Variants in EML5 observed in about 807,000 individuals in gnomAD.
The protein encoded by EML5 is EMAP like 5, also known as echinoderm microtubule-associated protein-like 5.
Under a neutral mutation model 250.0 loss-of-function variants are expected in EML5, and 120 were observed. The ratio of observed to expected loss-of-function variants is 0.48; its 90% CI spans 0.41 to 0.56. The LOEUF (loss-of-function observed/expected upper bound fraction) is 0.56, where lower values mean the gene tolerates loss of function less well. Ranked by LOEUF, EML5 falls within the 20% of genes least tolerant of loss-of-function variation. The pLI is 0.00. For missense variants in EML5, 2,006 were observed against 2,437.6 expected (o/e 0.82, Z 3.73); for synonymous variants, 771 against 806.5 (o/e 0.96, Z 0.75).
In EML5 at chr14:88,616,172, T is replaced by C. The variant is rs1344189980; in HGVS notation, c.5867A>G (p.His1956Arg). ...GTCATCACCTCCAGCACTAACAACA[T>C]GTCGATCACCACTGGTAAATCGAAT... ...TNIRFTSGDRHVVSAGGDDCS... is the reference protein window; with the variant it reads ...TNIRFTSGDRRVVSAGGDDCS... Residue 1956 changes from histidine to arginine, a missense_variant, in exon 43 of 44, where the codon CAT becomes CGT. His to Arg is a conservative substitution (Grantham distance 29). Coordinates refer to ENST00000554922, the MANE Select transcript of EML5 (RefSeq NM_183387.3). The C allele has an allele frequency of 6.2e-7, 1 of 1,613,920 alleles. No individual in the cohort carries two copies. The highest frequency in any genetic ancestry group is 8.5e-7 in the Non-Finnish European group (1 of 1,179,810).
chr14:88,626,790 G>A lies in EML5; in HGVS notation c.4740+48C>T, dbSNP rs1185035734. 3 of 1,584,476 alleles carry A rather than the reference G, an allele frequency of 1.9e-6. No homozygotes were observed. In the East Asian group the frequency reaches 6.8e-5, roughly 36 times the overall value. On this transcript the variant is annotated intron_variant, in intron 35 of 43. Coordinates refer to ENST00000554922, the MANE Select transcript of EML5 (RefSeq NM_183387.3). ...ATGTGGCTGATGATCTAAGGCAAGAGAATGTAAAGTAGTCAAAGTCACACT... is the reference window on the plus strand; with the variant it reads ...ATGTGGCTGATGATCTAAGGCAAGAAAATGTAAAGTAGTCAAAGTCACACT...
At chr14:88,709,124 GT>G (rs1414175177) in intron 10 of EML5, among the ~76,000 whole-genome samples, 3 of 149,806 alleles carry the variant, frequency 2.0e-5, no homozygotes, top group African/African-American at 7.5e-5. Context: ...ATTTAACTAT[GT>G]TTTAATGATA....
chr14:88,672,582 C>T (rs533967901), intron 21 of EML5, among the ~76,000 whole-genome samples: 2 of 151,664 alleles, frequency 1.3e-5, no homozygotes, highest in African/African-American at 4.8e-5. Flanking sequence ...ACACGAAAAG[C>T]GCGTCAAAAA....
Position 88,661,701 on chromosome 14 carries a change from T to TAG in EML5, c.3626_3627dup (p.Thr1210LeufsTer9). 6.2e-7 allele frequency: 1 copy of TAG among 1,613,626 alleles called. No homozygotes were observed. Among genetic ancestry groups the TAG allele is most frequent in the Non-Finnish European group, 8.5e-7 (1 of 1,179,730 alleles). On this transcript the variant is annotated frameshift_variant, in exon 25 of 44. Coordinates refer to ENST00000554922, the MANE Select transcript of EML5 (RefSeq NM_183387.3). LOFTEE classifies it high-confidence loss of function. ...TTCACAAATCCCAAATCGTCCCCGGTAGCTAGAACCATTTTGTCACTGGTG... is the reference window on the plus strand; with the variant it reads ...TTCACAAATCCCAAATCGTCCCCGGTAGAGCTAGAACCATTTTGTCACTGGTG...
chr14:88,776,600 GT>G (rs972873619), intron 1 of EML5, among the ~76,000 whole-genome samples: 6 of 151,994 alleles, frequency 3.9e-5, no homozygotes, highest in Non-Finnish European at 1.5e-5. Flanking sequence ...AATGAAGTGG[GT>G]CGGGCATGGT....
chr14:88,753,763 TA>T (rs904940971), intron 2 of EML5, among the ~76,000 whole-genome samples: 1 of 152,196 alleles, frequency 6.6e-6, no homozygotes. Flanking sequence ...TGATTTTGTA[TA>T]AAAAATAACT....
At position 88,620,934 on chromosome 14, in the gene EML5, T is replaced by A. The variant is rs1409123169; in HGVS notation, c.5203-8A>T. 9.7e-5 allele frequency: 133 copies of A among 1,372,414 alleles called. No individual in the cohort carries two copies. Among genetic ancestry groups the A allele is most frequent in the South Asian group, 3.2e-4 (20 of 62,278 alleles). The allele number at this position is 1,372,414 out of a possible 1,614,324, so 85.0% of individuals were successfully genotyped here. The stretch of plus-strand genomic sequence containing the variant: ...CACTTTGTTTAACATCTTCTGCATT[T>A]AAAAAAAAAAAAAAAAAGAGTCATA... On this transcript the variant is annotated splice_region_variant and splice_polypyrimidine_tract_variant and intron_variant, in intron 38 of 43. Coordinates refer to ENST00000554922, the MANE Select transcript of EML5 (RefSeq NM_183387.3). The surrounding 1 kb of genome is among the most constrained non-coding windows in gnomAD (Gnocchi z 4.3).
chr14:88,705,849 C>T (rs1422502918), intron 11 of EML5: 2 of 608,782 alleles, frequency 3.3e-6, no homozygotes, highest in Non-Finnish European at 6.1e-6. Context: ...ATTTAAATGT[C>T]TGTGCAAATA....
At chr14:88,624,867 G>C in intron 36 of EML5, 103 bp downstream of exon 36, 1 of 1,284,994 alleles carries the variant, frequency 7.8e-7, no homozygotes, top group South Asian at 1.6e-5. Context: ...AGGAAGGTCG[G>C]AGAGGACACT....
In EML5 at chr14:88,746,175, G is replaced by C. The variant is rs2094001840; in HGVS notation, c.456+10C>G. 1 of 1,603,398 alleles carries C rather than the reference G, an allele frequency of 6.2e-7. No homozygotes were observed. Among genetic ancestry groups the C allele is most frequent in the Non-Finnish European group, 8.5e-7 (1 of 1,172,434 alleles). On this transcript the variant is annotated intron_variant, in intron 3 of 43. Coordinates refer to ENST00000554922, the MANE Select transcript of EML5 (RefSeq NM_183387.3). ...AGTACTCATTAGAAATCTCAAAAGA[G>C]AATACTTACTCTATCTGTATGACCA...
In EML5 at chr14:88,615,054, T is replaced by A. The variant is rs1452034560; in HGVS notation, c.*764A>T. 6.6e-6 allele frequency: 1 copy of A among 152,224 alleles called. No individual in the cohort carries two copies. Among genetic ancestry groups the A allele is most frequent in the Admixed American group, 6.5e-5 (1 of 15,276 alleles). The allele number at this position is 152,224 out of a possible 1,614,324, so 9.4% of individuals were successfully genotyped here. A position where few individuals can be genotyped will look rare whatever the true frequency, so the allele number is the denominator to read the frequency against. Reference sequence around the variant, plus strand: ...CCCTTACATTGTACACCATTGGGAATGATTGTTCATCATACTACTTTTCCA... The same window carrying A: ...CCCTTACATTGTACACCATTGGGAAAGATTGTTCATCATACTACTTTTCCA... On this transcript the variant is annotated 3_prime_UTR_variant, in exon 44 of 44. Transcript: ENST00000554922.
At chr14:88,790,457 T>C (rs2094594637) in intron 1 of EML5, among the ~76,000 whole-genome samples, 1 of 152,220 alleles carries the variant, frequency 6.6e-6, no homozygotes, top group African/African-American at 2.4e-5. Context: ...ATTTAAGCGG[T>C]GTGACATATA....
At chr14:88,787,321 A>G (rs2094561220) in intron 1 of EML5, among the ~76,000 whole-genome samples, 1 of 152,214 alleles carries the variant, frequency 6.6e-6, no homozygotes, top group Non-Finnish European at 1.5e-5. Flanking sequence ...GAGTATCTTA[A>G]GGCAGGGATT....
chr14:88,615,613 T>C lies in EML5; in HGVS notation c.*205A>G. The C allele has an allele frequency of 2.0e-6, 1 of 511,846 alleles. No individual in the cohort carries two copies. Among genetic ancestry groups the C allele is most frequent in the Non-Finnish European group, 3.4e-6 (1 of 292,542 alleles). The allele number at this position is 511,846 out of a possible 1,614,324, so 31.7% of individuals were successfully genotyped here. A position where few individuals can be genotyped will look rare whatever the true frequency, so the allele number is the denominator to read the frequency against. On this transcript the variant is annotated 3_prime_UTR_variant, in exon 44 of 44. Coordinates refer to ENST00000554922, the MANE Select transcript of EML5 (RefSeq NM_183387.3). ...GATCCTTCCTTGAAATGGCATTATCTGGCAGTGTATGGATTACGGATTATA... is the reference window on the plus strand; with the variant it reads ...GATCCTTCCTTGAAATGGCATTATCCGGCAGTGTATGGATTACGGATTATA...
chr14:88,671,421 GAA>G (rs887415187), intron 21 of EML5, among the ~76,000 whole-genome samples: 5 of 152,134 alleles, frequency 3.3e-5, no homozygotes, highest in African/African-American at 1.2e-4. Flanking sequence ...ATATGGAAAG[GAA>G]AAAGTGTTAC....
chr14:88,622,992 C>A, intron 36 of EML5: 7 of 259,628 alleles, frequency 2.7e-5, no homozygotes, highest in Middle Eastern at 1.2e-3. Context: ...CAATACATTA[C>A]AATACATTAT....
At chr14:88,780,614 C>T (rs532852329) in intron 1 of EML5, among the ~76,000 whole-genome samples, 39 of 151,916 alleles carry the variant, frequency 2.6e-4, no homozygotes, top group Non-Finnish European at 4.6e-4. Context: ...CTCACTGTGT[C>T]ATCCAGGCTG....
intron 2 of EML5, among the ~76,000 whole-genome samples, chr14:88,753,898 G>A (rs748234941): frequency 1.8e-4 from 28 of 152,042 alleles, no homozygotes; most frequent in Non-Finnish European, 7.4e-5. Context: ...CACTTTGGGA[G>A]GTCAACAACA....
chr14:88,782,172 A>G (rs2094503889), intron 1 of EML5, among the ~76,000 whole-genome samples: 1 of 152,190 alleles, frequency 6.6e-6, no homozygotes, highest in South Asian at 2.1e-4. Context: ...CAGATGGAGA[A>G]GAGAAACTTG....
Sources: allele counts gnomAD v4.1 joint callset (sites outside exome capture counted in the v4.1 genomes callset), GRCh38; gene constraint gnomAD v4.1.1; non-coding constraint Gnocchi (gnomAD v3.1); transcripts MANE v1.5; gene names NCBI Gene and HGNC (gene_info 2026-07-23, HGNC 2026-07-21).